The following IRF9 variants were observed in gnomAD, a reference collection of about 807,000 sequenced individuals.
IRF9 encodes IFN-alpha-responsive transcription factor subunit.
In IRF9, 13 loss-of-function variants were observed where a neutral mutation model predicts 44.1. The observed-to-expected ratio is 0.29, with a 90% confidence interval of 0.19 to 0.47. The LOEUF is 0.47. IRF9 is among the 20% of genes least tolerant of loss of function. The probability of loss-of-function intolerance (pLI) is 1.00; values close to 1 mark genes in which losing one functional copy is unlikely to be tolerated. For missense variants in IRF9, 373 were observed against 496.1 expected, an observed-to-expected ratio of 0.75 and a Z score of 2.36; for synonymous variants, 189 against 188.5, an observed-to-expected ratio of 1.00 and a Z score of -0.02.
At chr14:24,163,343 C>T (rs1318802911) in intron 3 of IRF9, 35 bp from the exon 4 acceptor site, 3 of 1,606,014 alleles carry the variant, frequency 1.9e-6, no homozygotes, top group South Asian at 1.1e-5. Context: ...TTGCTCAAGA[C>T]CCTGACCTTT....
chr14:24,165,018 C>A, intron 7 of IRF9, 63 bp downstream of exon 7: 1 of 1,497,536 alleles, frequency 6.7e-7, no homozygotes, highest in East Asian at 2.3e-5. Context: ...CCCCTGGGCC[C>A]AACTTGTTGG....
chr14:24,161,836 A>G (rs2038460664), intron 1 of IRF9, among the ~76,000 whole-genome samples: 1 of 152,188 alleles, frequency 6.6e-6, no homozygotes, highest in South Asian at 2.1e-4. Context: ...TTTTGTAAAC[A>G]ATACATCTCT....
In IRF9 at chr14:24,163,467, T is replaced by C. The variant is rs1265879565; in HGVS notation, c.454T>C (p.Cys152Arg). Reference sequence around the variant, plus strand: ...GGAGGAAGAGGATGCCATGCAGAACTGCACACTCAGTCCCTCTGTGCTCCA... The same window carrying C: ...GGAGGAAGAGGATGCCATGCAGAACCGCACACTCAGTCCCTCTGTGCTCCA... ...RKEEEDAMQN[C>R]TLSPSVLQDS... The change falls in exon 4 of 9, where the codon TGC (cysteine) becomes CGC (arginine). Residue 152 changes from cysteine (C) to arginine (R), a missense_variant. By Grantham distance (180) the Cys-to-Arg change is radical (BLOSUM62 -3). Transcript: ENST00000396864. 6.2e-7 allele frequency: 1 copy of C among 1,614,212 alleles called. No individual in the cohort carries two copies. The highest frequency in any genetic ancestry group is 1.3e-5 in the African/African-American group (1 of 75,058).
chr14:24,163,715 G>A (rs1034136208), intron 4 of IRF9, 163 bp from the exon 5 acceptor site: 1 of 866,460 alleles, frequency 1.2e-6, no homozygotes, highest in African/African-American at 1.7e-5. Flanking sequence ...GCATCTGCCT[G>A]TAATCCCAGC....
rs577938631 is a variant in IRF9 at position 24,163,664 on chromosome 14, C to A, written c.495+156C>A. ...CCAGCCTCGACCAACATGGTGAGAA[C>A]CCGTCTCTACTAAAAATACAAAAAT... On this transcript the variant is annotated intron_variant, in intron 4 of 8. Transcript: ENST00000396864. 64 of 928,522 alleles carry A rather than the reference C, an allele frequency of 6.9e-5. No homozygotes were observed. The Admixed American group carries it at 7.1e-4, about 10-fold the overall frequency. 57.5% of individuals were successfully genotyped at this position (928,522 alleles called of 1,614,324 possible). A position where few individuals can be genotyped will look rare whatever the true frequency, so the allele number is the denominator to read the frequency against.
chr14:24,165,922 A>G lies in IRF9; in HGVS notation c.1067A>G (p.His356Arg). 1.2e-6 allele frequency: 2 copies of G among 1,614,188 alleles called. No individual in the cohort carries two copies. Among genetic ancestry groups the G allele is most frequent in the Non-Finnish European group, 1.7e-6 (2 of 1,180,008 alleles). Residue 356 changes from histidine to arginine, a missense_variant, in exon 8 of 9, where the codon CAT becomes CGT. Around this residue, in one of 2 missense-constraint regions of IRF9, gnomAD observed 146 missense variants for 240.8 expected, o/e 0.61. Transcript: ENST00000396864. ...ACACTGAATTTCTGGGAAGAGAGCC[A>G]TGGCTCCAGCCATACTCCACAGAAT... ...QVTLNFWEES[H>R]GSSHTPQNLI...
In IRF9 at chr14:24,164,337, A is replaced by C; in HGVS notation, c.649+203A>C. 1.6e-6 allele frequency: 1 copy of C among 618,582 alleles called. No homozygotes were observed. 38.3% of individuals were successfully genotyped at this position (618,582 alleles called of 1,614,324 possible). On this transcript the variant is annotated intron_variant, in intron 6 of 8. Coordinates refer to ENST00000396864, the MANE Select transcript of IRF9 (RefSeq NM_006084.5). This position sits in a 1 kb window ranked among gnomAD's most constrained non-coding sequence, Gnocchi z 5.2. ...GCTTGCTTCCCAAAAATACCACCCT[A>C]TACACTCTCCTGGAAATCTACATTG... is the stretch of plus-strand genomic sequence containing the variant.
Position 24,164,512 on chromosome 14 carries a change from C to A in IRF9, c.650-102C>A, listed in dbSNP as rs138380773. 5.0e-5 allele frequency: 59 copies of A among 1,168,542 alleles called. No homozygotes were observed. Among genetic ancestry groups the A allele is most frequent in the Non-Finnish European group, 6.8e-5 (56 of 822,268 alleles). The allele number at this position is 1,168,542 out of a possible 1,614,324, so 72.4% of individuals were successfully genotyped here. On this transcript the variant is annotated intron_variant, in intron 6 of 8. Coordinates refer to ENST00000396864, the MANE Select transcript of IRF9 (RefSeq NM_006084.5). This position sits in a 1 kb window ranked among gnomAD's most constrained non-coding sequence, Gnocchi z 5.2. ...GATAGGAAAACCTGAGAGGAAGCCC[C>A]CTGGCTGGTGTGGGGAGGGGAGGTG... is the stretch of plus-strand genomic sequence containing the variant.
intron 7 of IRF9, 22 bp from the exon 8 acceptor site, chr14:24,165,825 C>T (rs758520615): frequency 6.4e-7 from 1 of 1,568,126 alleles, no homozygotes; most frequent in Non-Finnish European, 8.8e-7. Flanking sequence ...GTTCTTCGAA[C>T]CCTTGACCCT....
chr14:24,162,332 G>A lies in IRF9; in HGVS notation c.180+8G>A. On this transcript the variant is annotated splice_region_variant and intron_variant, in intron 2 of 8. Coordinates refer to ENST00000396864, the MANE Select transcript of IRF9 (RefSeq NM_006084.5). ...GATGCTGCCTTCTTCAAGGTGAAAG[G>A]GCCTGGAAACCACTGTTCCTCTGTG... 6.2e-7 allele frequency: 1 copy of A among 1,612,284 alleles called. No individual in the cohort carries two copies. Among genetic ancestry groups the A allele is most frequent in the East Asian group, 2.2e-5 (1 of 44,884 alleles).
rs1192337518 is a variant in IRF9, at chr14:24,165,951, A to G, written c.1096A>G (p.Ile366Val). 8 of 1,613,712 alleles carry G rather than the reference A, an allele frequency of 5.0e-6. No homozygotes were observed. The highest frequency in any genetic ancestry group is 6.8e-6 in the Non-Finnish European group (8 of 1,179,616). Reference sequence around the variant, plus strand: ...CTCCAGCCATACTCCACAGAATCTTATCACAGTGAAGGTGAGCTCGGAGCA... The same window carrying G: ...CTCCAGCCATACTCCACAGAATCTTGTCACAGTGAAGGTGAGCTCGGAGCA... ...HGSSHTPQNLITVKMEQAFAR... is the reference protein window; with the variant it reads ...HGSSHTPQNLVTVKMEQAFAR... The change falls in exon 8 of 9, where the codon ATC becomes GTC. Residue 366 changes from isoleucine to valine, a missense_variant. Around this residue, in one of 2 missense-constraint regions of IRF9, gnomAD observed 146 missense variants for 240.8 expected, o/e 0.61. Transcript: ENST00000396864.
Position 24,163,112 on chromosome 14 carries a change from C to T in IRF9, c.327C>T (p.Tyr109=), listed in dbSNP as rs1366260197. The T allele has an allele frequency of 3.1e-6, 5 of 1,614,176 alleles. No homozygotes were observed. The highest frequency in any genetic ancestry group is 4.2e-6 in the Non-Finnish European group (5 of 1,180,028). ...GCCGCATGGATGTTGCTGAGCCCTA[C>T]AAGGTGTATCAGTTGCTGCCACCAG... ...ERGRMDVAEP[Y]KVYQLLPPGI... The change falls in exon 3 of 9, where the codon TAC becomes TAT. Residue 109 remains tyrosine, a synonymous_variant. Transcript: ENST00000396864.
At position 24,166,210 on chromosome 14, in the gene IRF9, C is replaced by T. The variant is rs1353708299; in HGVS notation, c.*14C>T. 9 of 1,610,448 alleles carry T rather than the reference C, an allele frequency of 5.6e-6. No individual in the cohort carries two copies. Among genetic ancestry groups the T allele is most frequent in the Non-Finnish European group, 7.6e-6 (9 of 1,177,256 alleles). On this transcript the variant is annotated 3_prime_UTR_variant, in exon 9 of 9. Coordinates refer to ENST00000396864, the MANE Select transcript of IRF9 (RefSeq NM_006084.5). Reference sequence around the variant, plus strand: ...TCCCTGGTGTAGAGCCTGGGGGACCCATCTTCCACCTCACCTCTTTGTTCT... The same window carrying T: ...TCCCTGGTGTAGAGCCTGGGGGACCTATCTTCCACCTCACCTCTTTGTTCT...
chr14:24,162,923 G>T (rs1433685795), intron 2 of IRF9, 43 bp from the exon 3 acceptor site: 3 of 1,549,790 alleles, frequency 1.9e-6, no homozygotes, highest in East Asian at 2.2e-5. Flanking sequence ...GGCAGGTGGA[G>T]CCTGTAACAC....
At chr14:24,162,526 G>A in intron 2 of IRF9, 1 of 566,640 alleles carries the variant, frequency 1.8e-6, no homozygotes, top group Non-Finnish European at 3.0e-6. Flanking sequence ...TATTGGCCAG[G>A]CACGGTGGCT....
At chr14:24,162,854 C>T in intron 2 of IRF9, 112 bp from the exon 3 acceptor site, 2 of 812,064 alleles carry the variant, frequency 2.5e-6, no homozygotes, top group South Asian at 1.8e-5. Flanking sequence ...GAGCACAGAC[C>T]CTGCATAATC....
chr14:24,164,523 TGGGGA>T lies in IRF9; in HGVS notation c.650-83_650-79del. ...CTGAGAGGAAGCCCCCTGGCTGGTG[TGGGGA>T]GGGGAGGTGGAGTTGTTCCCCTGGG... On this transcript the variant is annotated intron_variant, in intron 6 of 8. Transcript: ENST00000396864. This position sits in a 1 kb window ranked among gnomAD's most constrained non-coding sequence, Gnocchi z 5.2. 8.1e-7 allele frequency: 1 copy of T among 1,241,148 alleles called. No homozygotes were observed. The highest frequency in any genetic ancestry group is 1.1e-6 in the Non-Finnish European group (1 of 886,236). The allele number at this position is 1,241,148 out of a possible 1,614,324, so 76.9% of individuals were successfully genotyped here. A position where few individuals can be genotyped will look rare whatever the true frequency, so the allele number is the denominator to read the frequency against.
Position 24,162,148 on chromosome 14 carries a change from G to A in IRF9, c.4G>A (p.Ala2Thr). Residue 2 changes from alanine (A) to threonine (T), a missense_variant, in exon 2 of 9, where the codon GCA (alanine) becomes ACA (threonine). By Grantham distance (58) the Ala-to-Thr change is moderately conservative. Around this residue, in one of 2 missense-constraint regions of IRF9, gnomAD observed 227 missense variants for 255.3 expected, o/e 0.89. Transcript: ENST00000396864. M[A>T]SGRARCTRKL... ...CCTGCTCCTATTATCCCCCAGGATG[G>A]CATCAGGCAGGGCACGCTGCACCCG... The A allele has an allele frequency of 6.2e-7, 1 of 1,613,726 alleles. No homozygotes were observed. Among genetic ancestry groups the A allele is most frequent in the Non-Finnish European group, 8.5e-7 (1 of 1,179,784 alleles).
In IRF9 at chr14:24,163,869, T is replaced by C. The variant is rs1239194036; in HGVS notation, c.496-9T>C. ...AGAGAAAAAAAATAAAAAGACACTG[T>C]GTCCGCAGGAGGAGGAGGGGGCCAG... On this transcript the variant is annotated splice_polypyrimidine_tract_variant and intron_variant, in intron 4 of 8. Transcript: ENST00000396864. The C allele has an allele frequency of 6.3e-7, 1 of 1,585,522 alleles. No homozygotes were observed. Among genetic ancestry groups the C allele is most frequent in the Non-Finnish European group, 8.5e-7 (1 of 1,173,170 alleles).
Sources: allele counts gnomAD v4.1 joint callset (sites outside exome capture counted in the v4.1 genomes callset), GRCh38; gene constraint gnomAD v4.1.1; regional missense constraint gnomAD v4.1.1; non-coding constraint Gnocchi (gnomAD v3.1); transcripts MANE v1.5; gene names NCBI Gene and HGNC (gene_info 2026-07-23, HGNC 2026-07-21).